Variants in SLCO3A1 observed in about 807,000 individuals in gnomAD.
SLCO3A1 encodes solute carrier organic anion transporter family member 3A1, also known as PGE1 transporter.
A neutral mutation model predicts 63.1 loss-of-function variants in SLCO3A1; 27 were observed. The ratio of observed to expected loss-of-function variants is 0.43; its 90% CI spans 0.32 to 0.59. SLCO3A1 has a LOEUF of 0.59. Ranked by LOEUF, SLCO3A1 falls within the 20% of genes least tolerant of loss-of-function variation. The probability of loss-of-function intolerance (pLI) is 0.09; values close to 1 mark genes in which losing one functional copy is unlikely to be tolerated. For missense variants in SLCO3A1, 773 were observed against 945.8 expected (o/e 0.82, Z 2.40); for synonymous variants, 473 against 409.9 (o/e 1.15, Z -1.86).
chr15:91,931,732 A>T (rs1265095939), intron 2 of SLCO3A1, among the ~76,000 whole-genome samples: 1 of 150,590 alleles, frequency 6.6e-6, no homozygotes, highest in African/African-American at 2.4e-5. Flanking sequence ...CAGCCTCCCA[A>T]AGTGCTGGGA....
At chr15:92,001,225 G>A (rs2046251391) in intron 2 of SLCO3A1, among the ~76,000 whole-genome samples, 1 of 140,836 alleles carries the variant, frequency 7.1e-6, no homozygotes, top group Admixed American at 7.1e-5. Context: ...GGGGGGAGGG[G>A]GCGAACAAAA....
intron 2 of SLCO3A1, among the ~76,000 whole-genome samples, chr15:91,997,457 A>G (rs894010816): frequency 1.3e-5 from 2 of 152,212 alleles, no homozygotes; most frequent in African/African-American, 4.8e-5. Flanking sequence ...ATCCAGCACT[A>G]TTCCTGTCAA....
rs996015685 is a variant in SLCO3A1, at chr15:91,948,229, A to C, written c.646+31771A>C. Reference sequence around the variant, plus strand: ...TGCCGACCTCCGGGAAGCTTTTTCCACTCCTGCTTGGCGCATGAGAATACA... The same window carrying C: ...TGCCGACCTCCGGGAAGCTTTTTCCCCTCCTGCTTGGCGCATGAGAATACA... On this transcript the variant is annotated intron_variant, in intron 2 of 9. Transcript: ENST00000318445. This position sits in a 1 kb window ranked among gnomAD's most constrained non-coding sequence, Gnocchi z 4.8. 6.6e-6 allele frequency among the ~76,000 whole-genome samples: 1 copy of C among 151,618 alleles called. No individual in the cohort carries two copies. Among genetic ancestry groups the C allele is most frequent in the African/African-American group, 2.4e-5 (1 of 41,240 alleles).
Position 92,015,689 on chromosome 15 carries a change from G to A in SLCO3A1, c.647-79192G>A, listed in dbSNP as rs528604624. On this transcript the variant is annotated intron_variant, in intron 2 of 9. Coordinates refer to ENST00000318445, the MANE Select transcript of SLCO3A1 (RefSeq NM_013272.4). ...CTAGAGTTTACACATGGCAGTGAGC[G>A]TGGGGTGTGAACAGGCTGCTAAGGG... Among the ~76,000 whole-genome samples, 7 of 152,236 alleles carry A rather than the reference G, an allele frequency of 4.6e-5. No individual in the cohort carries two copies. The East Asian group carries it at 7.8e-4, about 17-fold the overall frequency.
intron 1 of SLCO3A1, among the ~76,000 whole-genome samples, chr15:91,857,029 CGTGTGTGTGTGTGT>C (rs58042356): frequency 0.11 from 15,042 of 139,094 alleles, 2,468 homozygotes; most frequent in African/African-American, 0.36. Flanking sequence ...AAGGAGGACT[CGTGTGTGTGTGTGT>C]GTGTGTGTGT....
chr15:92,148,723 CCTTTA>C (rs2048263727), intron 8 of SLCO3A1: 3 of 152,228 alleles, frequency 2.0e-5, no homozygotes, highest in Middle Eastern at 6.8e-3. Context: ...AAAAAGTACT[CCTTTA>C]CAAGAAGAAA....
chr15:92,148,137 G>A lies in SLCO3A1; in HGVS notation c.1688+978G>A, dbSNP rs189348879. Among the ~76,000 whole-genome samples, 4 of 152,358 alleles carry A rather than the reference G, an allele frequency of 2.6e-5. No homozygotes were observed. The East Asian group carries it at 7.7e-4, about 29-fold the overall frequency. ...GCAGGAGAATTGCTTAGACCCAGGA[G>A]GCGGAAGTTGCAGTGAGCTGAGGTC... On this transcript the variant is annotated intron_variant, in intron 8 of 9. Transcript: ENST00000318445.
chr15:91,860,120 G>A lies in SLCO3A1; in HGVS notation c.180+6032G>A, dbSNP rs994255009. 1.3e-5 allele frequency among the ~76,000 whole-genome samples: 2 copies of A among 152,164 alleles called. No homozygotes were observed. The highest frequency in any genetic ancestry group is 2.9e-5 in the Non-Finnish European group (2 of 68,034). On this transcript the variant is annotated intron_variant, in intron 1 of 9. Coordinates refer to ENST00000318445, the MANE Select transcript of SLCO3A1 (RefSeq NM_013272.4). The surrounding 1 kb of genome is among the most constrained non-coding windows in gnomAD (Gnocchi z 5.5). ...TCATGTTGATCATTTACAGTCCATG[G>A]GTACTTGAAGGAGGTTAAAGCAGGG...
intron 2 of SLCO3A1, among the ~76,000 whole-genome samples, chr15:91,928,581 T>G (rs188363141): frequency 4.0e-4 from 61 of 152,342 alleles, no homozygotes; most frequent in Admixed American, 8.5e-4. Context: ...GAAAAGTGAC[T>G]CAACCCAACT....
intron 1 of SLCO3A1, among the ~76,000 whole-genome samples, chr15:91,866,723 A>G (rs1220370800): frequency 2.7e-5 from 4 of 148,160 alleles, no homozygotes; most frequent in Non-Finnish European, 5.9e-5. Flanking sequence ...GTGGGGGGGG[A>G]GATGACATGT....
At chr15:92,101,850 G>A (rs780816583) in intron 3 of SLCO3A1, among the ~76,000 whole-genome samples, 9 of 152,062 alleles carry the variant, frequency 5.9e-5, no homozygotes, top group African/African-American at 1.9e-4. Flanking sequence ...CACAGGTGAC[G>A]TGCCCTTCCC....
rs369700941 is a variant in SLCO3A1, at chr15:92,029,189, G to A, written c.647-65692G>A. Among the ~76,000 whole-genome samples the A allele has an allele frequency of 1.6e-3, 248 of 152,236 alleles. 2 individuals are homozygous for A. The highest frequency in any genetic ancestry group is 5.7e-3 in the African/African-American group (237 of 41,534). On this transcript the variant is annotated intron_variant, in intron 2 of 9. Transcript: ENST00000318445. ...AGGAAAATGTTTATTTAAAAACTCC[G>A]CAGCCTCTTATACTTCTATGCCAGG...
At chr15:91,858,085 G>T (rs931028277) in intron 1 of SLCO3A1, among the ~76,000 whole-genome samples, 1 of 152,068 alleles carries the variant, frequency 6.6e-6, no homozygotes, top group Non-Finnish European at 1.5e-5. Context: ...GCAATTAATG[G>T]GTGAGGCGAA....
rs1205487596 is a variant in SLCO3A1, at chr15:91,966,801, G to A, written c.646+50343G>A. Among the ~76,000 whole-genome samples, 4 of 152,192 alleles carry A rather than the reference G, an allele frequency of 2.6e-5. No individual in the cohort carries two copies. The East Asian group carries it at 7.7e-4, about 29-fold the overall frequency. ...CTTCTCAAACAGAGCATCTGGCACT[G>A]TTCGTGGAAAAAGGTGATTTCAACT... On this transcript the variant is annotated intron_variant, in intron 2 of 9. Coordinates refer to ENST00000318445, the MANE Select transcript of SLCO3A1 (RefSeq NM_013272.4).
intron 7 of SLCO3A1, among the ~76,000 whole-genome samples, chr15:92,145,494 C>A (rs994612108): frequency 6.6e-6 from 1 of 152,128 alleles, no homozygotes; most frequent in Admixed American, 6.6e-5. Flanking sequence ...GGTCTTGTCC[C>A]GAGGTTCTTG....
At chr15:92,007,702 G>A (rs1328223151) in intron 2 of SLCO3A1, among the ~76,000 whole-genome samples, 6 of 152,176 alleles carry the variant, frequency 3.9e-5, no homozygotes, top group Non-Finnish European at 7.3e-5. Flanking sequence ...TGGAGAGGGC[G>A]TGGAGGAAGG....
chr15:92,104,297 C>T lies in SLCO3A1; in HGVS notation c.764C>T (p.Pro255Leu), dbSNP rs1323549586. ...FIDTSNLDITPDDPRWIGAWW... is the reference protein window; with the variant it reads ...FIDTSNLDITLDDPRWIGAWW... ...TTTACAGGTAACCTGGACATCACTC[C>T]GGACGACCCCCGCTGGATCGGAGCC... Residue 255 changes from proline to leucine, a missense_variant, in exon 4 of 10, where the codon CCG becomes CTG. By Grantham distance (98) the Pro-to-Leu change is moderately conservative. Transcript: ENST00000318445. 5.0e-6 allele frequency: 8 copies of T among 1,614,014 alleles called. No individual in the cohort carries two copies. Among genetic ancestry groups the T allele is most frequent in the Admixed American group, 1.7e-5 (1 of 60,002 alleles).
rs147991710 is a variant in SLCO3A1, at chr15:91,974,265, G to GTTGTTGTTATTATTATTA, written c.646+57809_646+57810insGTTGTTATTATTATTATT. On this transcript the variant is annotated intron_variant, in intron 2 of 9. Transcript: ENST00000318445. ...CTAAACGGACACCATTTTCATTATTGTTATTATTATTATTATTATTATTAT... is the reference window on the plus strand; with the variant it reads ...CTAAACGGACACCATTTTCATTATTGTTGTTGTTATTATTATTATTATTATTATTATTATTATTATTAT... 1.2e-3 allele frequency among the ~76,000 whole-genome samples: 177 copies of GTTGTTGTTATTATTATTA among 142,954 alleles called. 2 individuals are homozygous for GTTGTTGTTATTATTATTA. The highest frequency in any genetic ancestry group is 4.4e-3 in the African/African-American group (172 of 38,882). 93.8% of individuals were successfully genotyped at this position (142,954 alleles called of 152,430 possible).
chr15:92,029,330 G>T (rs764755645), intron 2 of SLCO3A1, among the ~76,000 whole-genome samples: 3 of 152,150 alleles, frequency 2.0e-5, no homozygotes, highest in African/African-American at 4.8e-5. Flanking sequence ...TCCCAGCCAG[G>T]CTCCTGCCCT....
Sources: gnomAD v4.1 joint callset for allele counts (sites outside exome capture counted in the v4.1 genomes callset) on GRCh38, gnomAD v4.1.1 for gene constraint, Gnocchi (gnomAD v3.1) non-coding constraint, MANE v1.5 for transcripts, NCBI Gene and HGNC (gene_info 2026-07-23, HGNC 2026-07-21) for gene names.